Variants in MARCHF11 observed in about 807,000 individuals in gnomAD.
The protein encoded by MARCHF11 is membrane associated ring-CH-type finger 11.
Under a neutral mutation model 37.3 loss-of-function variants are expected in MARCHF11, and 29 were observed. That is an observed-to-expected ratio of 0.78 (90% CI 0.58 to 1.06). MARCHF11 has a LOEUF of 1.06. MARCHF11 is among the 50% of genes least tolerant of loss of function. MARCHF11 has a pLI of 0.00. For synonymous variants in MARCHF11, 233 were observed against 228.0 expected (o/e 1.02, Z -0.20); for missense variants, 482 against 533.4 (o/e 0.90, Z 0.95).
rs552426409 is a variant in MARCHF11 at position 16,099,964 on chromosome 5, A to C, written c.694-8883T>G. ...TTATTGTATGGAATTTAGAATGTCA[A>C]TAAAAATTCTCTTCCAGAAACCTGG... is the stretch of plus-strand genomic sequence containing the variant. On this transcript the variant is annotated intron_variant, in intron 2 of 3. Coordinates refer to ENST00000332432, the MANE Select transcript of MARCHF11 (RefSeq NM_001102562.3). Among the ~76,000 whole-genome samples the C allele has an allele frequency of 9.8e-5, 15 of 152,308 alleles. No homozygotes were observed. The South Asian group carries it at 2.9e-3, about 29-fold the overall frequency.
chr5:16,073,041 C>T (rs758233781), intron 3 of MARCHF11, among the ~76,000 whole-genome samples: 12 of 152,184 alleles, frequency 7.9e-5, no homozygotes, highest in Non-Finnish European at 1.3e-4. Flanking sequence ...AGTCCCAATA[C>T]ATCTCATATA....
chr5:16,111,211 T>A (rs1388872534), intron 2 of MARCHF11, among the ~76,000 whole-genome samples: 1 of 152,264 alleles, frequency 6.6e-6, no homozygotes, highest in East Asian at 1.9e-4. Context: ...GGAAGCGACT[T>A]TGGAACTGGG....
intron 3 of MARCHF11, 101 bp downstream of exon 3, chr5:16,090,788 T>A: frequency 1.1e-6 from 1 of 932,184 alleles, no homozygotes. Flanking sequence ...CTGAGATAAG[T>A]CAATCCACAA....
At chr5:16,153,926 T>C (rs764301806) in intron 2 of MARCHF11, among the ~76,000 whole-genome samples, 1 of 151,824 alleles carries the variant, frequency 6.6e-6, no homozygotes, top group Admixed American at 6.6e-5. Flanking sequence ...CCTCACTCCA[T>C]GGGGAATGTG....
intron 2 of MARCHF11, among the ~76,000 whole-genome samples, chr5:16,101,219 T>C (rs969658938): frequency 3.9e-5 from 6 of 152,202 alleles, no homozygotes; most frequent in Admixed American, 2.0e-4. Context: ...TTTAACAGTC[T>C]AGAAGTTGAA....
chr5:16,131,877 T>C (rs1230094433), intron 2 of MARCHF11, among the ~76,000 whole-genome samples: 1 of 152,226 alleles, frequency 6.6e-6, no homozygotes, highest in African/African-American at 2.4e-5. Flanking sequence ...TAAGTAGTGG[T>C]GATGTGGCAT....
chr5:16,080,618 C>CA (rs1452749435), intron 3 of MARCHF11, among the ~76,000 whole-genome samples: 1 of 152,126 alleles, frequency 6.6e-6, no homozygotes, highest in African/African-American at 2.4e-5. Flanking sequence ...ACTGATGGCC[C>CA]ATCTCCCAGT....
intron 2 of MARCHF11, among the ~76,000 whole-genome samples, chr5:16,097,779 A>G (rs375796162): frequency 2.0e-5 from 3 of 152,216 alleles, no homozygotes. Flanking sequence ...CATTTTATCA[A>G]TCTGACATAG....
Position 16,179,120 on chromosome 5 carries a change from ACTGCTGCTG to A in MARCHF11, c.447_455del (p.Ser150_Ser152del). On this transcript the variant is annotated inframe_deletion, in exon 1 of 4. Transcript: ENST00000332432. Reference sequence around the variant, plus strand: ...GCCCAGCGCGCTGGTCGCCGCCGCCACTGCTGCTGCTGCGGCTGCTGCACACCGAGCGCG... The same window carrying A: ...GCCCAGCGCGCTGGTCGCCGCCGCCACTGCGGCTGCTGCACACCGAGCGCG... 1.3e-6 allele frequency: 2 copies of A among 1,490,760 alleles called. No homozygotes were observed. Among genetic ancestry groups the A allele is most frequent in the Non-Finnish European group, 1.8e-6 (2 of 1,127,168 alleles). 92.3% of individuals were successfully genotyped at this position (1,490,760 alleles called of 1,614,324 possible). A position where few individuals can be genotyped will look rare whatever the true frequency, so the allele number is the denominator to read the frequency against.
chr5:16,160,076 A>G (rs568092013), intron 2 of MARCHF11, among the ~76,000 whole-genome samples: 2 of 151,724 alleles, frequency 1.3e-5, no homozygotes, highest in South Asian at 4.1e-4. Flanking sequence ...AAATAACAAA[A>G]CTTCCCCTAT....
At chr5:16,121,830 T>TCAAC (rs1210227435) in intron 2 of MARCHF11, among the ~76,000 whole-genome samples, 1 of 152,160 alleles carries the variant, frequency 6.6e-6, no homozygotes, top group African/African-American at 2.4e-5. Context: ...CACCACTCCA[T>TCAAC]CAACCCTACC....
intron 2 of MARCHF11, among the ~76,000 whole-genome samples, chr5:16,167,096 A>G (rs1239584999): frequency 6.7e-6 from 1 of 150,166 alleles, no homozygotes; most frequent in Admixed American, 6.6e-5. Context: ...CTTTCACACC[A>G]TCATGAAATT....
At chr5:16,177,608 G>A (rs901734661) in intron 2 of MARCHF11, 118 bp downstream of exon 2, 11 of 866,144 alleles carry the variant, frequency 1.3e-5, no homozygotes, top group East Asian at 3.2e-5. Context: ...TGGTTTTAGT[G>A]TAATTTTCAC....
intron 2 of MARCHF11, among the ~76,000 whole-genome samples, chr5:16,154,798 T>G (rs1737940059): frequency 6.6e-6 from 1 of 151,966 alleles, no homozygotes; most frequent in Non-Finnish European, 1.5e-5. Context: ...AACATATCAT[T>G]TTTATGCCAC....
At chr5:16,145,604 T>G (rs1401080560) in intron 2 of MARCHF11, among the ~76,000 whole-genome samples, 1 of 152,148 alleles carries the variant, frequency 6.6e-6, no homozygotes, top group Non-Finnish European at 1.5e-5. Flanking sequence ...CCTTTTAGAA[T>G]TAGGGACAAA....
chr5:16,158,632 G>T (rs930750237), intron 2 of MARCHF11, among the ~76,000 whole-genome samples: 1 of 151,976 alleles, frequency 6.6e-6, no homozygotes, highest in African/African-American at 2.4e-5. Flanking sequence ...GGGTTAGACA[G>T]AAGAAATAAG....
intron 2 of MARCHF11, among the ~76,000 whole-genome samples, chr5:16,130,952 CT>C (rs1202747737): frequency 1.9e-4 from 29 of 152,266 alleles, no homozygotes; most frequent in East Asian, 5.8e-4. Context: ...CAAATATGAT[CT>C]GATATCTTCT....
At chr5:16,147,269 T>G (rs1320063746) in intron 2 of MARCHF11, among the ~76,000 whole-genome samples, 1 of 152,166 alleles carries the variant, frequency 6.6e-6, no homozygotes, top group African/African-American at 2.4e-5. Context: ...TAAAGCCAGC[T>G]GACATTTACT....
intron 2 of MARCHF11, among the ~76,000 whole-genome samples, chr5:16,104,643 C>T (rs1368012618): frequency 6.6e-6 from 1 of 151,372 alleles, no homozygotes; most frequent in East Asian, 1.9e-4. Flanking sequence ...CTGGCATAAC[C>T]CAACAGAGAG....
Sources: gnomAD v4.1 joint callset for allele counts (sites outside exome capture counted in the v4.1 genomes callset) on GRCh38, gnomAD v4.1.1 for gene constraint, MANE v1.5 for transcripts, NCBI Gene and HGNC (gene_info 2026-07-23, HGNC 2026-07-21) for gene names.